EP400: variants seen among roughly 807,000 people sequenced by gnomAD.
EP400 encodes the protein E1A-binding protein p400.
A neutral mutation model predicts 354.1 loss-of-function variants in EP400; 105 were observed. That is an observed-to-expected ratio of 0.30 (90% confidence interval 0.25 to 0.35). EP400 has a LOEUF of 0.35. Ranked by LOEUF, EP400 falls within the 10% of genes least tolerant of loss-of-function variation. EP400 has a pLI of 1.00. For missense variants in EP400, 3,280 were observed against 4,121.0 expected (o/e 0.80, Z 5.59); for synonymous variants, 1,646 against 1,716.9 (o/e 0.96, Z 1.02).
At chr12:131,993,739 T>C (rs1220639426) in intron 11 of EP400, among the ~76,000 whole-genome samples, 1 of 152,146 alleles carries the variant, frequency 6.6e-6, no homozygotes, top group Non-Finnish European at 1.5e-5. Context: ...CTGTGGGTAA[T>C]TGGAATATAG....
In EP400 at chr12:132,071,281, G is replaced by A. The variant is rs556794601; in HGVS notation, c.9021+1640G>A. Among the ~76,000 whole-genome samples the A allele has an allele frequency of 8.6e-5, 13 of 151,940 alleles. No homozygotes were observed. In the South Asian group the frequency reaches 2.7e-3, roughly 32 times the overall value. On this transcript the variant is annotated intron_variant, in intron 51 of 52. Transcript: ENST00000389561. ...GCCTCAAAGCTTTAAGTCCTGTCTC[G>A]GTGCGAATGATACCCAGATTCATGT...
chr12:132,001,465 A>G (rs920108621), intron 12 of EP400, among the ~76,000 whole-genome samples: 1 of 152,350 alleles, frequency 6.6e-6, no homozygotes, highest in Admixed American at 6.5e-5. Context: ...GGAACATGAA[A>G]GCAGACTAGG....
intron 2 of EP400, among the ~76,000 whole-genome samples, chr12:131,976,753 G>T (rs530074214): frequency 2.0e-5 from 3 of 152,104 alleles, no homozygotes; most frequent in Non-Finnish European, 4.4e-5. Context: ...CAAAAAACCT[G>T]CATACTCTTT....
Position 132,077,481 on chromosome 12 carries a change from T to A in EP400, c.9180T>A (p.Thr3060=). 6.2e-7 allele frequency: 1 copy of A among 1,613,612 alleles called. No individual in the cohort carries two copies. Reference sequence around the variant, plus strand: ...AGATGATCCCTGCAGTGACCGCGACTGCCCAGGTGGTTCAGCAGAAACTCA... The same window carrying A: ...AGATGATCCCTGCAGTGACCGCGACAGCCCAGGTGGTTCAGCAGAAACTCA... The part of the protein sequence containing the change: ...QVQMIPAVTA[T]AQVVQQKLIQ... The change falls in exon 53 of 53, where the codon ACT becomes ACA. Residue 3060 remains threonine (T), a synonymous_variant. Transcript: ENST00000389561.
At position 132,028,254 on chromosome 12, in the gene EP400, C is replaced by A. The variant is rs774583477; in HGVS notation, c.5347C>A (p.Arg1783=). The change falls in exon 27 of 53, where the codon CGG becomes AGG. Residue 1783 remains arginine, a synonymous_variant. Transcript: ENST00000389561. Reference sequence around the variant, plus strand: ...AAGTGAGCTGATGTTGACGCTTTGTCGGTGTGGAGAGTCTCTGCAGGATGT... The same window carrying A: ...AAGTGAGCTGATGTTGACGCTTTGTAGGTGTGGAGAGTCTCTGCAGGATGT... ...SPSELMLTLC[R]CGESLQDVID... is the part of the protein sequence containing the mutation. 1 of 1,614,006 alleles carries A rather than the reference C, an allele frequency of 6.2e-7. No homozygotes were observed. The highest frequency in any genetic ancestry group is 8.5e-7 in the Non-Finnish European group (1 of 1,180,014).
intron 2 of EP400, among the ~76,000 whole-genome samples, chr12:131,970,134 A>C (rs1178274442): frequency 1.3e-5 from 2 of 152,248 alleles, no homozygotes; most frequent in African/African-American, 4.8e-5. Context: ...TTTACTGCTA[A>C]TGCCTGGAGG....
At chr12:131,969,642 T>A (rs1789693686) in intron 2 of EP400, among the ~76,000 whole-genome samples, 1 of 152,282 alleles carries the variant, frequency 6.6e-6, no homozygotes, top group East Asian at 1.9e-4. Flanking sequence ...ATATATATTC[T>A]TTGATCCAGC....
In EP400 at chr12:131,987,834, T is replaced by G; in HGVS notation, c.2353T>G (p.Trp785Gly). Residue 785 changes from tryptophan to glycine, a missense_variant, in exon 7 of 53, where the codon TGG becomes GGG. Physicochemically the swap from Trp to Gly is radical, Grantham distance 184 (BLOSUM62 -2). Transcript: ENST00000389561. ...GGACTATCTGCTGGAGGAGATGCAG[T>G]GGATGGCCACAGACTTTGCCCAGGA... ...HWDYLLEEMQ[W>G]MATDFAQERR... The G allele has an allele frequency of 6.2e-7, 1 of 1,613,440 alleles. No homozygotes were observed.
At chr12:131,956,849 T>C (rs1891716467) in intron 1 of EP400, among the ~76,000 whole-genome samples, 1 of 151,420 alleles carries the variant, frequency 6.6e-6, no homozygotes, top group Non-Finnish European at 1.5e-5. Flanking sequence ...GCTTTTCTCC[T>C]TTTGTGAACT....
At chr12:132,056,797 A>G (rs1895530255) in intron 45 of EP400, among the ~76,000 whole-genome samples, 1 of 152,248 alleles carries the variant, frequency 6.6e-6, no homozygotes, top group African/African-American at 2.4e-5. Context: ...TAAGAAAACG[A>G]AAAGCATAGA....
intron 51 of EP400, among the ~76,000 whole-genome samples, chr12:132,074,249 C>T (rs894376070): frequency 1.3e-5 from 2 of 152,180 alleles, no homozygotes; most frequent in Non-Finnish European, 2.9e-5. Context: ...AGTGCATTCA[C>T]GGTATCATTT....
rs550329130 is a variant in EP400 at position 132,060,146 on chromosome 12, A to G, written c.7885-1964A>G. On this transcript the variant is annotated intron_variant, in intron 45 of 52. Transcript: ENST00000389561. Reference sequence around the variant, plus strand: ...AACTTTTAGAAAAGTCTGATTACCAAAACTGGGGGAAACAACCCAAACTTA... The same window carrying G: ...AACTTTTAGAAAAGTCTGATTACCAGAACTGGGGGAAACAACCCAAACTTA... Among the ~76,000 whole-genome samples the G allele has an allele frequency of 2.0e-4, 31 of 152,330 alleles. No individual in the cohort carries two copies. The East Asian group carries it at 5.8e-3, about 28-fold the overall frequency.
At position 132,050,994 on chromosome 12, in the gene EP400, C is replaced by T. The variant is rs150314678; in HGVS notation, c.7394+339C>T. The T allele has an allele frequency of 9.4e-4, 401 of 426,820 alleles. 2 individuals carry two copies. The highest frequency in any genetic ancestry group is 7.1e-3 in the African/African-American group (355 of 50,344). 26.4% of individuals were successfully genotyped at this position (426,820 alleles called of 1,614,324 possible). A position where few individuals can be genotyped will look rare whatever the true frequency, so the allele number is the denominator to read the frequency against. On this transcript the variant is annotated intron_variant, in intron 41 of 52. Transcript: ENST00000389561. The surrounding 1 kb of genome is among the most constrained non-coding windows in gnomAD (Gnocchi z 4.8). ...CCACCTCTCAGGCACTGATTTTGTT[C>T]GCCATATCTTAAGAACACACCACAT...
chr12:131,999,854 T>C (rs1043887512), intron 12 of EP400, among the ~76,000 whole-genome samples: 1 of 152,320 alleles, frequency 6.6e-6, no homozygotes, highest in East Asian at 1.9e-4. Flanking sequence ...TGGCATACAT[T>C]GTCAATAATT....
chr12:132,013,110 C>T lies in EP400; in HGVS notation c.3543C>T (p.Val1181=). The T allele has an allele frequency of 6.2e-7, 1 of 1,614,122 alleles. No homozygotes were observed. Among genetic ancestry groups the T allele is most frequent in the African/African-American group, 1.3e-5 (1 of 75,052 alleles). The change falls in exon 17 of 53, where the codon GTC becomes GTT. Residue 1181 remains valine (V), a synonymous_variant. Coordinates refer to ENST00000389561, the MANE Select transcript of EP400 (RefSeq NM_015409.5). The surrounding 1 kb of genome is among the most constrained non-coding windows in gnomAD (Gnocchi z 4.5). ...AFTRVRWKCL[V]IDEMQRVKGM... is the part of the protein sequence containing the mutation. ...CACGAGTGCGCTGGAAGTGCCTGGTCATTGATGAGATGCAGCGCGTGAAGG... is the reference window on the plus strand; with the variant it reads ...CACGAGTGCGCTGGAAGTGCCTGGTTATTGATGAGATGCAGCGCGTGAAGG...
intron 29 of EP400, chr12:132,031,174 T>A: frequency 2.1e-6 from 1 of 487,778 alleles, no homozygotes; most frequent in Non-Finnish European, 4.1e-6. Context: ...TCTCCCTTCA[T>A]GGTCAACAGT....
In EP400 at chr12:131,998,667, T is replaced by C. The variant is rs994173543; in HGVS notation, c.2827+3711T>C. On this transcript the variant is annotated intron_variant, in intron 12 of 52. Transcript: ENST00000389561. ...TATACAGTCTTGTATACAAAGACTT[T>C]GTATACAGTCTTGTATACAAAGACT... Among the ~76,000 whole-genome samples, 11 of 142,572 alleles carry C rather than the reference T, an allele frequency of 7.7e-5. No individual in the cohort carries two copies. In the East Asian group the frequency reaches 1.5e-3, roughly 20 times the overall value. 93.5% of individuals were successfully genotyped at this position (142,572 alleles called of 152,430 possible).
At position 132,029,428 on chromosome 12, in the gene EP400, C is replaced by T. The variant is rs1894412944; in HGVS notation, c.5382-273C>T. On this transcript the variant is annotated intron_variant, in intron 27 of 52. Coordinates refer to ENST00000389561, the MANE Select transcript of EP400 (RefSeq NM_015409.5). This position sits in a 1 kb window ranked among gnomAD's most constrained non-coding sequence, Gnocchi z 4.7. ...GAATGGCTTATCTCTGACCTGGTGC[C>T]TGCGGCCTAGGGAATCCACCCCCAT... The T allele has an allele frequency of 9.5e-6, 5 of 524,060 alleles. No individual in the cohort carries two copies. Among genetic ancestry groups the T allele is most frequent in the Non-Finnish European group, 1.7e-5 (5 of 294,496 alleles). The allele number at this position is 524,060 out of a possible 1,614,324, so 32.5% of individuals were successfully genotyped here.
Position 132,066,756 on chromosome 12 carries a change from A to G in EP400, c.8554-18A>G. 6.2e-7 allele frequency: 1 copy of G among 1,607,974 alleles called. No homozygotes were observed. Among genetic ancestry groups the G allele is most frequent in the Non-Finnish European group, 8.5e-7 (1 of 1,177,980 alleles). ...GTCCTGAATTTCTCTGGACTCTCCC[A>G]TTATTTCTACTGTTTAGACCCGGGT... On this transcript the variant is annotated intron_variant, in intron 48 of 52. Coordinates refer to ENST00000389561, the MANE Select transcript of EP400 (RefSeq NM_015409.5).
Sources: gnomAD v4.1 joint callset for allele counts (sites outside exome capture counted in the v4.1 genomes callset) on GRCh38, gnomAD v4.1.1 for gene constraint, Gnocchi (gnomAD v3.1) non-coding constraint, MANE v1.5 for transcripts, NCBI Gene and HGNC (gene_info 2026-07-23, HGNC 2026-07-21) for gene names.